MTMR7: variants seen among roughly 807,000 people sequenced by gnomAD.
The protein encoded by MTMR7 is myotubularin related protein 7.
Under a neutral mutation model 81.2 loss-of-function variants are expected in MTMR7, and 76 were observed. The ratio of observed to expected loss-of-function variants is 0.94; its 90% confidence interval spans 0.78 to 1.13. MTMR7 has a LOEUF of 1.13. MTMR7 is among the 50% of genes most tolerant of loss of function. The pLI is 0.00. For synonymous variants in MTMR7, 372 were observed against 289.8 expected (o/e 1.28, Z -2.88); for missense variants, 1,044 against 820.0 (o/e 1.27, Z -3.34).
chr8:17,397,760 CT>C (rs1317355702), intron 1 of MTMR7, among the ~76,000 whole-genome samples: 1 of 152,144 alleles, frequency 6.6e-6, no homozygotes, highest in Non-Finnish European at 1.5e-5. Flanking sequence ...ACAGTGGATC[CT>C]GGGCAAGACC....
In MTMR7 at chr8:17,328,445, C is replaced by G. The variant is rs570302432; in HGVS notation, c.865+2705G>C. On this transcript the variant is annotated intron_variant, in intron 7 of 13. Coordinates refer to ENST00000180173, the MANE Select transcript of MTMR7 (RefSeq NM_004686.5). ...AATGGATGGAGCTGGAAGCCATTAT[C>G]CTCAGTAAACTAACTCAGGAATAGA... Among the ~76,000 whole-genome samples the G allele has an allele frequency of 6.6e-5, 10 of 152,246 alleles. No individual in the cohort carries two copies. The East Asian group carries it at 1.9e-3, about 29-fold the overall frequency.
intron 4 of MTMR7, among the ~76,000 whole-genome samples, chr8:17,357,934 G>T (rs2150554613): frequency 6.6e-6 from 1 of 152,172 alleles, no homozygotes; most frequent in East Asian, 1.9e-4. Flanking sequence ...TTTGTAGGAT[G>T]ATTTAAGTAA....
intron 1 of MTMR7, among the ~76,000 whole-genome samples, chr8:17,408,045 T>C (rs950233962): frequency 6.6e-6 from 1 of 152,200 alleles, no homozygotes; most frequent in Non-Finnish European, 1.5e-5. Context: ...AAATGAGTTA[T>C]TTAATGGACC....
chr8:17,372,146 A>G (rs369210595), intron 2 of MTMR7, among the ~76,000 whole-genome samples: 1 of 152,148 alleles, frequency 6.6e-6, no homozygotes, highest in African/African-American at 2.4e-5. Flanking sequence ...GTCTATGCTC[A>G]GTCTTCAATA....
chr8:17,303,801 G>T (rs1001875722), intron 12 of MTMR7, among the ~76,000 whole-genome samples: 1 of 151,990 alleles, frequency 6.6e-6, no homozygotes, highest in African/African-American at 2.4e-5. Context: ...GTAGAGACTG[G>T]GTCTCCCCAT....
At chr8:17,371,307 C>T in intron 2 of MTMR7, 108 bp from the exon 3 acceptor site, 1 of 1,242,164 alleles carries the variant, frequency 8.1e-7, no homozygotes. Context: ...GCTCCCCAAC[C>T]TCCAGCTAGC....
rs191062769 is a variant in MTMR7 at position 17,365,869 on chromosome 8, T to C, written c.311-4595A>G. On this transcript the variant is annotated intron_variant, in intron 3 of 13. Coordinates refer to ENST00000180173, the MANE Select transcript of MTMR7 (RefSeq NM_004686.5). ...CTAAAATACTACACGAAATTAAGGA[T>C]GAGTAACAGTTTGGCTGTTTCTAGG... Among the ~76,000 whole-genome samples the C allele has an allele frequency of 2.2e-3, 337 of 152,344 alleles. 1 individual carries two copies. The highest frequency in any genetic ancestry group is 6.7e-3 in the African/African-American group (277 of 41,580).
At chr8:17,386,455 T>G (rs1255295258) in intron 1 of MTMR7, among the ~76,000 whole-genome samples, 1 of 152,192 alleles carries the variant, frequency 6.6e-6, no homozygotes, top group South Asian at 2.1e-4. Flanking sequence ...CTAGGACTCT[T>G]ATAGGAGCAA....
chr8:17,322,527 A>G (rs1048023903), intron 7 of MTMR7, among the ~76,000 whole-genome samples: 3 of 152,208 alleles, frequency 2.0e-5, no homozygotes, highest in African/African-American at 7.2e-5. Context: ...TGCAACAAAT[A>G]AAAAACATGT....
intron 3 of MTMR7, among the ~76,000 whole-genome samples, chr8:17,367,435 T>A (rs529267034): frequency 1.3e-5 from 2 of 152,242 alleles, no homozygotes; most frequent in Non-Finnish European, 1.5e-5. Context: ...AAAAGTTCAA[T>A]CCTTATTAAT....
intron 1 of MTMR7, among the ~76,000 whole-genome samples, chr8:17,383,086 G>A (rs7004621): frequency 0.032 from 4,835 of 151,986 alleles, 268 homozygotes; most frequent in African/African-American, 0.11. Context: ...CACCACCTGG[G>A]GGGTGTGGAA....
chr8:17,402,228 C>A (rs1258663239), intron 1 of MTMR7, among the ~76,000 whole-genome samples: 1 of 152,026 alleles, frequency 6.6e-6, no homozygotes, highest in Non-Finnish European at 1.5e-5. Context: ...AACGTTTATT[C>A]TTTGTGTTAC....
intron 4 of MTMR7, among the ~76,000 whole-genome samples, chr8:17,351,181 G>C (rs1425558708): frequency 6.6e-6 from 1 of 152,274 alleles, no homozygotes; most frequent in South Asian, 2.1e-4. Flanking sequence ...TCAGCAAGTT[G>C]GGAATTACCT....
At chr8:17,328,819 A>G (rs1057106755) in intron 7 of MTMR7, among the ~76,000 whole-genome samples, 11 of 152,230 alleles carry the variant, frequency 7.2e-5, no homozygotes, top group African/African-American at 2.4e-4. Context: ...ACTTCATTAA[A>G]TAACAAAATT....
chr8:17,327,433 G>C (rs1322356902), intron 7 of MTMR7, among the ~76,000 whole-genome samples: 1 of 126,490 alleles, frequency 7.9e-6, no homozygotes, highest in Admixed American at 7.7e-5. Flanking sequence ...ACCACGCCTG[G>C]TTGATTTTTT....
chr8:17,368,326 G>T (rs960660505), intron 3 of MTMR7, among the ~76,000 whole-genome samples: 6 of 152,196 alleles, frequency 3.9e-5, no homozygotes, highest in African/African-American at 1.4e-4. Context: ...CGGCCCAGGG[G>T]TTGGGGACCC....
In MTMR7 at chr8:17,304,629, T is replaced by TA. The variant is rs1179468228; in HGVS notation, c.1353-111_1353-110insT. 5.3e-6 allele frequency: 6 copies of TA among 1,128,344 alleles called. No individual in the cohort carries two copies. The African/African-American group carries it at 9.3e-5, about 17-fold the overall frequency. The allele number at this position is 1,128,344 out of a possible 1,614,324, so 69.9% of individuals were successfully genotyped here. A position where few individuals can be genotyped will look rare whatever the true frequency, so the allele number is the denominator to read the frequency against. On this transcript the variant is annotated intron_variant, in intron 11 of 13. Coordinates refer to ENST00000180173, the MANE Select transcript of MTMR7 (RefSeq NM_004686.5). ...TAATAATTGTTACCTGAAAACCACG[T>TA]GTCTGTTCGATAGCAGGTAAATGTA...
In MTMR7 at chr8:17,373,182, A is replaced by G. The variant is rs761801071; in HGVS notation, c.83T>C (p.Leu28Ser). Residue 28 changes from leucine to serine, a missense_variant, in exon 2 of 14, where the codon TTG becomes TCG. Coordinates refer to ENST00000180173, the MANE Select transcript of MTMR7 (RefSeq NM_004686.5). ...VSPKKAALGT[L>S]YLTATHVIFV... The stretch of plus-strand genomic sequence containing the variant: ...TATGACATGGGTAGCCGTCAAATAC[A>G]AAGTACCTAGAGCTGCTTTTTTAGG... 1.2e-6 allele frequency: 2 copies of G among 1,613,966 alleles called. No individual in the cohort carries two copies. The highest frequency in any genetic ancestry group is 1.7e-6 in the Non-Finnish European group (2 of 1,179,850).
At chr8:17,357,941 G>T (rs143370737) in intron 4 of MTMR7, among the ~76,000 whole-genome samples, 87 of 152,098 alleles carry the variant, frequency 5.7e-4, no homozygotes, top group South Asian at 2.9e-3. Flanking sequence ...GATGATTTAA[G>T]TAACTTTTAT....
Sources: allele counts gnomAD v4.1 joint callset (sites outside exome capture counted in the v4.1 genomes callset), GRCh38; gene constraint gnomAD v4.1.1; transcripts MANE v1.5; gene names NCBI Gene and HGNC (gene_info 2026-07-23, HGNC 2026-07-21).